Variants in LRRC8C observed in about 807,000 individuals in gnomAD.
LRRC8C encodes the protein leucine rich repeat containing 8 VRAC subunit C, also known as volume-regulated anion channel subunit LRRC8C.
LRRC8C carries 20 observed loss-of-function variants against 55.3 expected under a neutral mutation model. The observed-to-expected ratio is 0.36, with a 90% CI of 0.25 to 0.53. The LOEUF is 0.53. Ranked by LOEUF, LRRC8C falls within the 20% of genes least tolerant of loss-of-function variation. The pLI is 0.92. For synonymous variants in LRRC8C, 376 were observed against 360.7 expected (o/e 1.04, Z -0.48); for missense variants, 659 against 951.4 (o/e 0.69, Z 4.04).
intron 2 of LRRC8C, among the ~76,000 whole-genome samples, chr1:89,693,094 A>G (rs1228765677): frequency 6.6e-6 from 1 of 152,218 alleles, no homozygotes; most frequent in Non-Finnish European, 1.5e-5. Flanking sequence ...AGGGGAAAAA[A>G]GAATTATTTC....
upstream of LRRC8C, among the ~76,000 whole-genome samples, chr1:89,628,346 C>A (rs1173737036): frequency 2.6e-5 from 4 of 152,042 alleles, no homozygotes; most frequent in East Asian, 1.9e-4. Context: ...GACACAGGAG[C>A]CTTCAGAATG....
At chr1:89,700,637 T>C (rs142358756) in intron 2 of LRRC8C, among the ~76,000 whole-genome samples, 2,959 of 152,328 alleles carry the variant, frequency 0.019, 37 homozygotes, top group Non-Finnish European at 0.028. Flanking sequence ...GCTATATCCT[T>C]CTTAGGTCAA....
intron 2 of LRRC8C, among the ~76,000 whole-genome samples, chr1:89,709,798 C>T (rs1177818643): frequency 6.7e-6 from 1 of 148,686 alleles, no homozygotes; most frequent in African/African-American, 2.5e-5. Flanking sequence ...GTCGCCCAGG[C>T]TGGAGTGCAG....
rs1436356399 is a variant in LRRC8C at position 89,712,689 on chromosome 1, A to G, written c.139-20A>G. On this transcript the variant is annotated intron_variant, in intron 2 of 2. Coordinates refer to ENST00000370454, the MANE Select transcript of LRRC8C (RefSeq NM_032270.5). ...GCTCTTTGAGTAATATAATTTGAAA[A>G]TATTATTTCCATGTTTCAGGTCATG... 2 of 1,567,876 alleles carry G rather than the reference A, an allele frequency of 1.3e-6. No individual in the cohort carries two copies. The highest frequency in any genetic ancestry group is 1.7e-5 in the Admixed American group (1 of 59,476).
intron 1 of LRRC8C, among the ~76,000 whole-genome samples, chr1:89,676,689 GAT>G (rs1657555730): frequency 6.6e-6 from 1 of 152,146 alleles, no homozygotes; most frequent in Non-Finnish European, 1.5e-5. Flanking sequence ...ACAGAGATGA[GAT>G]ATAAATTCTA....
At chr1:89,710,030 C>T (rs986112477) in intron 2 of LRRC8C, among the ~76,000 whole-genome samples, 7 of 152,134 alleles carry the variant, frequency 4.6e-5, no homozygotes, top group Non-Finnish European at 1.0e-4. Context: ...GGATTACAGG[C>T]GTGAGTCACG....
chr1:89,659,473 A>T (rs1366155272), intron 1 of LRRC8C, among the ~76,000 whole-genome samples: 1 of 152,160 alleles, frequency 6.6e-6, no homozygotes, highest in Non-Finnish European at 1.5e-5. Flanking sequence ...GAGTAGGCTT[A>T]TAGTACCTGG....
intron 1 of LRRC8C, among the ~76,000 whole-genome samples, chr1:89,646,444 G>A (rs1656616324): frequency 6.6e-6 from 1 of 151,862 alleles, no homozygotes; most frequent in South Asian, 2.1e-4. Context: ...ACTTCAAAGG[G>A]GATTTAATCC....
At chr1:89,683,776 A>T (rs1433970379) in intron 1 of LRRC8C, among the ~76,000 whole-genome samples, 1 of 152,146 alleles carries the variant, frequency 6.6e-6, no homozygotes, top group African/African-American at 2.4e-5. Context: ...CAATGATATA[A>T]AAAGGATACT....
chr1:89,664,574 G>A (rs74468461), intron 1 of LRRC8C, among the ~76,000 whole-genome samples: 53,312 of 151,982 alleles, frequency 0.35, 9,323 homozygotes, highest in Admixed American at 0.38. Flanking sequence ...GTCAGGTAGT[G>A]TGATGCCTCC....
At chr1:89,625,068 A>G in the LRRC8C span, 1 of 152,224 alleles carries the variant, frequency 6.6e-6, no homozygotes, top group African/African-American at 2.4e-5. Flanking sequence ...TGGAAGACCA[A>G]GGTACTTCGG....
chr1:89,633,098 G>A (rs1424152632), upstream of LRRC8C: 1 of 152,094 alleles, frequency 6.6e-6, no homozygotes, highest in Non-Finnish European at 1.5e-5. Flanking sequence ...GCGGAGGGGA[G>A]GAGGGCTTGC....
intron 1 of LRRC8C, among the ~76,000 whole-genome samples, chr1:89,652,594 T>C (rs924292219): frequency 6.6e-6 from 1 of 152,144 alleles, no homozygotes; most frequent in Non-Finnish European, 1.5e-5. Flanking sequence ...TCTTGCATTA[T>C]CATTTAAGAC....
chr1:89,646,918 G>A (rs1656628866), intron 1 of LRRC8C, among the ~76,000 whole-genome samples: 1 of 152,142 alleles, frequency 6.6e-6, no homozygotes, highest in Admixed American at 6.5e-5. Flanking sequence ...ATGAAGATAT[G>A]TAAAATTTAC....
chr1:89,652,229 G>C (rs778401323), intron 1 of LRRC8C, among the ~76,000 whole-genome samples: 1 of 152,170 alleles, frequency 6.6e-6, no homozygotes, highest in Non-Finnish European at 1.5e-5. Context: ...CACAGAGTGG[G>C]TTAGAGCATT....
intron 1 of LRRC8C, among the ~76,000 whole-genome samples, chr1:89,654,645 T>C (rs1208550017): frequency 6.6e-6 from 1 of 152,230 alleles, no homozygotes; most frequent in Non-Finnish European, 1.5e-5. Context: ...AAACTCTACA[T>C]TGACAACCAC....
chr1:89,647,855 G>A (rs976741266), intron 1 of LRRC8C, among the ~76,000 whole-genome samples: 1 of 152,068 alleles, frequency 6.6e-6, no homozygotes, highest in East Asian at 1.9e-4. Flanking sequence ...TTGAGCGCAG[G>A]AGTTCAAAAC....
chr1:89,633,374 C>T (rs1656180106), intron 1 of LRRC8C, 52 bp downstream of exon 1: 1 of 152,500 alleles, frequency 6.6e-6, no homozygotes, highest in African/African-American at 2.4e-5. Flanking sequence ...CGCAGAGGGC[C>T]ACCCGCTCGG....
chr1:89,652,678 A>G (rs1040589171), intron 1 of LRRC8C, among the ~76,000 whole-genome samples: 6 of 152,188 alleles, frequency 3.9e-5, no homozygotes, highest in African/African-American at 1.4e-4. Context: ...GCAGATCACC[A>G]GATCCACTGG....
Sources: gnomAD v4.1 joint callset for allele counts (sites outside exome capture counted in the v4.1 genomes callset) on GRCh38, gnomAD v4.1.1 for gene constraint, MANE v1.5 for transcripts, NCBI Gene and HGNC (gene_info 2026-07-23, HGNC 2026-07-21) for gene names.